Variants in TMTC1 observed in about 807,000 individuals in gnomAD.
TMTC1 encodes the protein transmembrane O-mannosyltransferase targeting cadherins 1.
A neutral mutation model predicts 104.8 loss-of-function variants in TMTC1; 73 were observed. The observed-to-expected ratio is 0.70, with a 90% CI of 0.58 to 0.85. The LOEUF is 0.85. Among genes scored for constraint, TMTC1 ranks in the 40% least tolerant of loss-of-function variants. TMTC1 has a pLI of 0.00. For synonymous variants in TMTC1, 434 were observed against 428.7 expected (o/e 1.01, Z -0.15); for missense variants, 1,035 against 1,096.1 (o/e 0.94, Z 0.79).
At position 29,693,014 on chromosome 12, in the gene TMTC1, C is replaced by G. The variant is rs576442226; in HGVS notation, c.938+58652G>C. On this transcript the variant is annotated intron_variant, in intron 5 of 17. Coordinates refer to ENST00000539277, the MANE Select transcript of TMTC1 (RefSeq NM_001193451.2). ...TAGGAGTGAAAACTGACTGCAAATG[C>G]CCATCAGGGGTCTTTTTAGAGGGGT... 4.1e-5 allele frequency among the ~76,000 whole-genome samples: 6 copies of G among 144,828 alleles called. 2 individuals carry two copies. The East Asian group carries it at 1.4e-3, about 33-fold the overall frequency.
chr12:29,549,955 C>T (rs1450424378), intron 10 of TMTC1, among the ~76,000 whole-genome samples: 1 of 152,004 alleles, frequency 6.6e-6, no homozygotes, highest in Non-Finnish European at 1.5e-5. Context: ...GTCTAGAGTC[C>T]TACATTCTCT....
intron 5 of TMTC1, among the ~76,000 whole-genome samples, chr12:29,648,265 G>A (rs1223755238): frequency 6.6e-6 from 1 of 152,140 alleles, no homozygotes; most frequent in Admixed American, 6.5e-5. Flanking sequence ...GTGTTTTTGA[G>A]GCACATTCAG....
chr12:29,663,708 G>C (rs1431496140), intron 5 of TMTC1, among the ~76,000 whole-genome samples: 2 of 119,944 alleles, frequency 1.7e-5, no homozygotes, highest in African/African-American at 3.2e-5. Context: ...GTAGAGACAG[G>C]GTTTCGCCAT....
intron 5 of TMTC1, among the ~76,000 whole-genome samples, chr12:29,737,344 C>A (rs1942705609): frequency 6.6e-6 from 1 of 152,086 alleles, no homozygotes; most frequent in Non-Finnish European, 1.5e-5. Flanking sequence ...CGTGGAGAAA[C>A]CCCGTCTCTA....
At chr12:29,672,591 C>A (rs573351700) in intron 5 of TMTC1, among the ~76,000 whole-genome samples, 1 of 152,160 alleles carries the variant, frequency 6.6e-6, no homozygotes, top group African/African-American at 2.4e-5. Flanking sequence ...TAAACATCTA[C>A]AAATTCACTT....
chr12:29,606,567 C>T (rs1324662333), intron 6 of TMTC1, among the ~76,000 whole-genome samples: 1 of 152,152 alleles, frequency 6.6e-6, no homozygotes, highest in Non-Finnish European at 1.5e-5. Context: ...AGCTAAAATA[C>T]TTTTTTACAA....
chr12:29,661,585 ATTTTTGTATTTTTAGT>A (rs1230356604), intron 5 of TMTC1, among the ~76,000 whole-genome samples: 62,821 of 148,752 alleles, frequency 0.42, 13,947 homozygotes, highest in African/African-American at 0.53. Context: ...TATTTTTAGT[ATTTTTGTATTTTTAGT>A]ATTTTTGTAT....
At chr12:29,619,989 A>T (rs1436572741) in intron 6 of TMTC1, among the ~76,000 whole-genome samples, 2 of 152,240 alleles carry the variant, frequency 1.3e-5, no homozygotes, top group African/African-American at 4.8e-5. Flanking sequence ...CAATAGTAAT[A>T]TCAAACATAG....
rs544737035 is a variant in TMTC1, at chr12:29,777,492, T to G, written c.302+5958A>C. Among the ~76,000 whole-genome samples, 7 of 152,266 alleles carry G rather than the reference T, an allele frequency of 4.6e-5. No individual in the cohort carries two copies. The East Asian group carries it at 1.2e-3, about 25-fold the overall frequency. On this transcript the variant is annotated intron_variant, in intron 1 of 17. Coordinates refer to ENST00000539277, the MANE Select transcript of TMTC1 (RefSeq NM_001193451.2). The stretch of plus-strand genomic sequence containing the variant: ...AGACAGAAAAGACATTGGTTGGTAA[T>G]AATAGACTGCTTCGGAAGGTGATTT...
chr12:29,664,283 A>G (rs534909821), intron 5 of TMTC1, among the ~76,000 whole-genome samples: 3 of 152,256 alleles, frequency 2.0e-5, no homozygotes, highest in South Asian at 4.1e-4. Context: ...TAAATTGGTA[A>G]AGAGAGCAGT....
intron 5 of TMTC1, among the ~76,000 whole-genome samples, chr12:29,652,022 G>A (rs1323474650): frequency 6.6e-6 from 1 of 152,050 alleles, no homozygotes; most frequent in Non-Finnish European, 1.5e-5. Context: ...TCTGCTTTTT[G>A]TCTCCAGATT....
At chr12:29,700,271 C>T (rs1480077692) in intron 5 of TMTC1, among the ~76,000 whole-genome samples, 4 of 147,402 alleles carry the variant, frequency 2.7e-5, no homozygotes, top group Non-Finnish European at 6.0e-5. Flanking sequence ...CTCACTCTGT[C>T]ACCCAGGCTG....
At chr12:29,707,170 G>C (rs1184373231) in intron 5 of TMTC1, among the ~76,000 whole-genome samples, 1 of 152,098 alleles carries the variant, frequency 6.6e-6, no homozygotes. Flanking sequence ...GTTGGGGACT[G>C]TCCTGGTTTT....
chr12:29,695,074 C>T (rs550455426), intron 5 of TMTC1, among the ~76,000 whole-genome samples: 1 of 152,292 alleles, frequency 6.6e-6, no homozygotes, highest in African/African-American at 2.4e-5. Context: ...TGCACAGCTC[C>T]TGGTGGCTCC....
At chr12:29,661,193 T>C (rs1940006481) in intron 5 of TMTC1, 1 of 213,232 alleles carries the variant, frequency 4.7e-6, no homozygotes, top group Non-Finnish European at 8.1e-6. Flanking sequence ...AGAACAGGAC[T>C]CAGCTCTGTT....
chr12:29,514,158 T>C (rs1299808449), intron 16 of TMTC1, among the ~76,000 whole-genome samples: 4 of 152,084 alleles, frequency 2.6e-5, no homozygotes, highest in Admixed American at 6.5e-5. Context: ...TTTCAGGTAC[T>C]AGTCCAGCTG....
At chr12:29,699,681 G>A (rs995675969) in intron 5 of TMTC1, among the ~76,000 whole-genome samples, 1 of 123,552 alleles carries the variant, frequency 8.1e-6, no homozygotes, top group African/African-American at 3.2e-5. Flanking sequence ...TTTTGACAGG[G>A]TCTCACTGTC....
In TMTC1 at chr12:29,768,086, A is replaced by G; in HGVS notation, c.303-11T>C. ...AAAAATATGTTTAGCCTGTAAAACA[A>G]AAGAAAAAAGAAAAAAACTGCATTA... On this transcript the variant is annotated splice_polypyrimidine_tract_variant and intron_variant, in intron 1 of 17. Coordinates refer to ENST00000539277, the MANE Select transcript of TMTC1 (RefSeq NM_001193451.2). 5 of 1,532,648 alleles carry G rather than the reference A, an allele frequency of 3.3e-6. No homozygotes were observed. In the African/African-American group the frequency reaches 4.2e-5, roughly 13 times the overall value. 94.9% of individuals were successfully genotyped at this position (1,532,648 alleles called of 1,614,324 possible).
intron 5 of TMTC1, among the ~76,000 whole-genome samples, chr12:29,737,553 G>A (rs184895051): frequency 6.8e-4 from 104 of 152,264 alleles, no homozygotes; most frequent in Non-Finnish European, 1.3e-3. Flanking sequence ...GCGGCGGGAG[G>A]GGGGAAGCCA....
Sources: allele counts gnomAD v4.1 joint callset (sites outside exome capture counted in the v4.1 genomes callset), GRCh38; gene constraint gnomAD v4.1.1; transcripts MANE v1.5; gene names NCBI Gene and HGNC (gene_info 2026-07-23, HGNC 2026-07-21).